The following ADK variants were observed in gnomAD, a reference collection of about 807,000 sequenced individuals.
The protein encoded by ADK is N6,N6-dimethyladenosine kinase.
In ADK, 24 loss-of-function variants were observed where a neutral mutation model predicts 44.7. That is an observed-to-expected ratio of 0.54 (90% confidence interval 0.39 to 0.76). ADK has a LOEUF of 0.76. ADK is among the 30% of genes least tolerant of loss of function. ADK has a pLI of 0.00. For missense variants in ADK, 321 were observed against 425.1 expected (o/e 0.76, Z 2.15); for synonymous variants, 128 against 142.6 (o/e 0.90, Z 0.73).
intron 7 of ADK, among the ~76,000 whole-genome samples, chr10:74,532,015 A>G (rs1452431917): frequency 6.6e-6 from 1 of 152,230 alleles, no homozygotes; most frequent in African/African-American, 2.4e-5. Flanking sequence ...CAGATGTAAA[A>G]ATTCTTCAAA....
intron 6 of ADK, among the ~76,000 whole-genome samples, chr10:74,490,799 G>A (rs16931462): frequency 0.036 from 5,518 of 152,142 alleles, 298 homozygotes; most frequent in African/African-American, 0.11. Flanking sequence ...GATGTTTGCA[G>A]AAGCTTCCTC....
intron 8 of ADK, among the ~76,000 whole-genome samples, chr10:74,594,475 C>T (rs1008045496): frequency 6.6e-6 from 1 of 151,206 alleles, no homozygotes; most frequent in Admixed American, 6.6e-5. Context: ...AGGGATAGAA[C>T]ATATTTTTTT....
chr10:74,448,881 T>A (rs540363646), intron 6 of ADK, among the ~76,000 whole-genome samples: 9 of 149,730 alleles, frequency 6.0e-5, no homozygotes, highest in South Asian at 2.1e-4. Context: ...ACTGCCTTTT[T>A]TAAAAAAAAA....
intron 1 of ADK, among the ~76,000 whole-genome samples, chr10:74,172,140 T>TTC (rs1554825225): frequency 2.3e-4 from 31 of 135,458 alleles, no homozygotes; most frequent in Non-Finnish European, 3.5e-4. Context: ...GGATTTTCTT[T>TTC]TTTTTTTTTT....
intron 1 of ADK, among the ~76,000 whole-genome samples, chr10:74,184,501 TTGTGTGTG>T (rs67693938): frequency 0.033 from 4,533 of 138,422 alleles, 219 homozygotes; most frequent in African/African-American, 0.1. Context: ...TGGCTATATT[TTGTGTGTG>T]TGTGTGTGTG....
intron 1 of ADK, among the ~76,000 whole-genome samples, chr10:74,177,941 A>ATTT (rs1401738266): frequency 1.1e-5 from 1 of 89,162 alleles, no homozygotes; most frequent in African/African-American, 4.0e-5. Context: ...ATATATATAT[A>ATTT]TATATTTTTT....
intron 3 of ADK, among the ~76,000 whole-genome samples, chr10:74,235,779 C>A (rs981775839): frequency 6.6e-6 from 1 of 152,112 alleles, no homozygotes; most frequent in Non-Finnish European, 1.5e-5. Flanking sequence ...ATTTAATTGC[C>A]ATTGTAACAG....
At position 74,400,686 on chromosome 10, in the gene ADK, G is replaced by T. The variant is rs1843673524; in HGVS notation, c.555+2107G>T. Among the ~76,000 whole-genome samples, 3 of 152,274 alleles carry T rather than the reference G, an allele frequency of 2.0e-5. 1 individual carries two copies. In the South Asian group the frequency reaches 6.2e-4, roughly 32 times the overall value. ...TACATTATCATCATAAACTAATGAG[G>T]TTTAAGAAATTAAAGTTCTGGGGGC... is the stretch of plus-strand genomic sequence containing the variant. On this transcript the variant is annotated intron_variant, in intron 6 of 10. Coordinates refer to ENST00000539909, the MANE Select transcript of ADK (RefSeq NM_006721.4).
chr10:74,618,234 G>A (rs1852850080), intron 9 of ADK, among the ~76,000 whole-genome samples: 2 of 151,884 alleles, frequency 1.3e-5, no homozygotes, highest in Admixed American at 6.6e-5. Context: ...TGTCTTACAT[G>A]TGTATCTTCT....
At chr10:74,178,401 G>A (rs1842423740) in intron 1 of ADK, among the ~76,000 whole-genome samples, 1 of 152,202 alleles carries the variant, frequency 6.6e-6, no homozygotes, top group Admixed American at 6.5e-5. Flanking sequence ...ATTTTAGGAT[G>A]AATTAGAATT....
chr10:74,671,654 T>C (rs987365692), intron 10 of ADK, among the ~76,000 whole-genome samples: 30 of 152,252 alleles, frequency 2.0e-4, no homozygotes, highest in Non-Finnish European at 3.8e-4. Context: ...AATTTAACCA[T>C]ATTCTGTAAT....
At chr10:74,294,012 A>G (rs897516821) in intron 3 of ADK, among the ~76,000 whole-genome samples, 2 of 152,186 alleles carry the variant, frequency 1.3e-5, no homozygotes, top group Non-Finnish European at 2.9e-5. Flanking sequence ...TAAACTTTAA[A>G]TATATGGAAT....
intron 3 of ADK, among the ~76,000 whole-genome samples, chr10:74,289,272 T>C (rs1022559564): frequency 6.6e-6 from 1 of 152,184 alleles, no homozygotes; most frequent in Admixed American, 6.5e-5. Flanking sequence ...AGGCTGGTCT[T>C]GAACTCCTGG....
At chr10:74,659,721 A>G (rs889265952) in intron 9 of ADK, among the ~76,000 whole-genome samples, 1 of 152,252 alleles carries the variant, frequency 6.6e-6, no homozygotes, top group African/African-American at 2.4e-5. Context: ...AAAGCTGAAG[A>G]AAGTCTGACG....
intron 7 of ADK, among the ~76,000 whole-genome samples, chr10:74,564,743 A>C (rs1268372944): frequency 6.6e-6 from 1 of 152,120 alleles, no homozygotes; most frequent in Non-Finnish European, 1.5e-5. Flanking sequence ...GAAATAATCC[A>C]ATTTTAAATC....
At chr10:74,162,164 G>T (rs953900991) in intron 1 of ADK, among the ~76,000 whole-genome samples, 2 of 151,642 alleles carry the variant, frequency 1.3e-5, no homozygotes, top group East Asian at 3.9e-4. Flanking sequence ...GGGGTTACAG[G>T]TGCCCGCCAC....
intron 10 of ADK, among the ~76,000 whole-genome samples, chr10:74,686,878 A>G (rs912830891): frequency 1.3e-5 from 2 of 151,854 alleles, no homozygotes; most frequent in African/African-American, 2.4e-5. Flanking sequence ...GGGTTTCACC[A>G]TGTTGGCCAG....
chr10:74,698,270 A>G (rs552322951), intron 10 of ADK, among the ~76,000 whole-genome samples: 11 of 152,196 alleles, frequency 7.2e-5, no homozygotes, highest in Non-Finnish European at 1.6e-4. Flanking sequence ...GCCTCAGCAT[A>G]TGAGTTCTTG....
intron 2 of ADK, among the ~76,000 whole-genome samples, chr10:74,223,948 G>A (rs1236234952): frequency 6.6e-6 from 1 of 152,082 alleles, no homozygotes; most frequent in African/African-American, 2.4e-5. Flanking sequence ...AATTAGCCAG[G>A]CATGGTGGTG....
Sources: gnomAD v4.1 joint callset for allele counts (sites outside exome capture counted in the v4.1 genomes callset) on GRCh38, gnomAD v4.1.1 for gene constraint, MANE v1.5 for transcripts, NCBI Gene and HGNC (gene_info 2026-07-23, HGNC 2026-07-21) for gene names.